Variants in ANKRD26 observed in about 807,000 individuals in gnomAD.
The protein encoded by ANKRD26 is ankyrin repeat domain-containing protein 26.
In ANKRD26, 141 loss-of-function variants were observed where a neutral mutation model predicts 208.7. The observed-to-expected ratio is 0.68, with a 90% CI of 0.59 to 0.78. The LOEUF (loss-of-function observed/expected upper bound fraction) is 0.78. Ranked by LOEUF, ANKRD26 falls within the 30% of genes least tolerant of loss-of-function variation. The pLI is 0.00. For missense variants in ANKRD26, 1,889 were observed against 1,938.7 expected (o/e 0.97, Z 0.48); for synonymous variants, 636 against 660.4 (o/e 0.96, Z 0.57).
the ANKRD26 span, among the ~76,000 whole-genome samples, chr10:26,948,961 C>CTCCA: frequency 5.3e-5 from 8 of 152,084 alleles, no homozygotes; most frequent in Admixed American, 2.6e-4. Context: ...CACCATTGCA[C>CTCCA]TCCAGCCTGG....
chr10:27,085,524 C>T (rs866961057), intron 5 of ANKRD26, among the ~76,000 whole-genome samples: 82 of 152,290 alleles, frequency 5.4e-4, no homozygotes, highest in African/African-American at 1.9e-3. Flanking sequence ...TGCTTCTCAA[C>T]AAGGAATTGT....
intron 1 of ANKRD26, among the ~76,000 whole-genome samples, chr10:27,099,565 G>GGC (rs980495090): frequency 1.4e-5 from 2 of 143,330 alleles, no homozygotes; most frequent in African/African-American, 5.1e-5. Flanking sequence ...TTAGAGTTGG[G>GGC]GGGGGGGGTC....
intron 17 of ANKRD26, among the ~76,000 whole-genome samples, chr10:27,048,298 G>A (rs2054529790): frequency 6.6e-6 from 1 of 152,054 alleles, no homozygotes; most frequent in South Asian, 2.1e-4. Context: ...TATGTAATGT[G>A]TTTATATAAA....
At chr10:27,027,995 G>C (rs1264337199) in intron 27 of ANKRD26, among the ~76,000 whole-genome samples, 1 of 152,156 alleles carries the variant, frequency 6.6e-6, no homozygotes, top group African/African-American at 2.4e-5. Flanking sequence ...AGATGATTTT[G>C]TCCAACTGTA....
chr10:27,082,365 G>A (rs930483421), intron 6 of ANKRD26, among the ~76,000 whole-genome samples: 2 of 152,192 alleles, frequency 1.3e-5, no homozygotes, highest in African/African-American at 2.4e-5. Flanking sequence ...TAAAGTCAAA[G>A]TACTAATTAC....
intron 10 of ANKRD26, 90 bp from the exon 11 acceptor site, chr10:27,066,638 C>G: frequency 1.3e-6 from 1 of 770,152 alleles, no homozygotes; most frequent in Non-Finnish European, 2.0e-6. Context: ...AAGTCTATCT[C>G]CATTCATGAA....
chr10:27,023,447 C>CAA (rs991691208), intron 28 of ANKRD26, among the ~76,000 whole-genome samples: 7 of 121,260 alleles, frequency 5.8e-5, no homozygotes, highest in Admixed American at 5.6e-4. Flanking sequence ...AAGAAAAGTA[C>CAA]AAAAAAAAAA....
At position 27,086,630 on chromosome 10, in the gene ANKRD26, C is replaced by T. The variant is rs66853312; in HGVS notation, c.639-21G>A. The T allele has an allele frequency of 0.13, 199,721 of 1,589,028 alleles. 13,947 individuals carry two copies. The highest frequency in any genetic ancestry group is 0.28 in the East Asian group (12,290 of 44,242). On this transcript the variant is annotated intron_variant, in intron 4 of 33. Coordinates refer to ENST00000376087, the MANE Select transcript of ANKRD26 (RefSeq NM_014915.3). Reference sequence around the variant, plus strand: ...GACTGCTATGTATAGAAAAATGTAACAAAATTATGTTAATACTGATACAAA... The same window carrying T: ...GACTGCTATGTATAGAAAAATGTAATAAAATTATGTTAATACTGATACAAA...
At chr10:27,088,457 T>C (rs530026761) in intron 4 of ANKRD26, 2 of 152,358 alleles carry the variant, frequency 1.3e-5, no homozygotes, top group African/African-American at 2.4e-5. Context: ...TGGATACTGA[T>C]GAGTCATGGA....
At chr10:27,008,221 A>G (rs2052960969) in intron 32 of ANKRD26, among the ~76,000 whole-genome samples, 1 of 152,118 alleles carries the variant, frequency 6.6e-6, no homozygotes, top group South Asian at 2.1e-4. Flanking sequence ...TGATAATATG[A>G]TATCCAATGC....
chr10:27,086,091 G>A (rs2056105598), intron 5 of ANKRD26, among the ~76,000 whole-genome samples: 1 of 152,122 alleles, frequency 6.6e-6, no homozygotes, highest in Non-Finnish European at 1.5e-5. Context: ...CAGCTGCACA[G>A]GGATCACCAG....
intron 25 of ANKRD26, chr10:27,030,287 C>G (rs1246340323): frequency 1.3e-6 from 1 of 784,660 alleles, no homozygotes; most frequent in African/African-American, 1.9e-5. Flanking sequence ...TTCCACTAAG[C>G]CGACAGTACT....
At chr10:27,097,465 A>G (rs1263488701) in intron 1 of ANKRD26, among the ~76,000 whole-genome samples, 2 of 152,174 alleles carry the variant, frequency 1.3e-5, no homozygotes, top group African/African-American at 4.8e-5. Context: ...CTGTCTAAGA[A>G]AAAAAGAAAA....
chr10:26,953,941 C>T, the ANKRD26 span, among the ~76,000 whole-genome samples: 3 of 152,154 alleles, frequency 2.0e-5, no homozygotes, highest in Non-Finnish European at 4.4e-5. Context: ...TCCTGCCCTA[C>T]CAATGTGAGA....
At chr10:26,989,073 T>G (rs572912581), downstream of ANKRD26, among the ~76,000 whole-genome samples, 2 of 152,188 alleles carry the variant, frequency 1.3e-5, no homozygotes, top group Non-Finnish European at 2.9e-5. Context: ...TCTGAGAGGG[T>G]ATTAATATCG....
chr10:27,071,159 A>ATTTTT lies in ANKRD26; in HGVS notation c.1078-3878_1078-3874dup, dbSNP rs71386906. 9.2e-4 allele frequency among the ~76,000 whole-genome samples: 79 copies of ATTTTT among 85,858 alleles called. 1 individual carries two copies. The highest frequency in any genetic ancestry group is 2.2e-3 in the African/African-American group (44 of 19,632). The allele number at this position is 85,858 out of a possible 152,430, so 56.3% of individuals were successfully genotyped here. ...GCAGAAATAAACAATTGCTACATTC[A>ATTTTT]TTTTTTTTTTTTTTTTTTTTTTTTG... On this transcript the variant is annotated intron_variant, in intron 9 of 33. Transcript: ENST00000376087.
In ANKRD26 at chr10:27,084,229, A is replaced by AAAAAAAG. The variant is rs757210560; in HGVS notation, c.710-1403_710-1397dup. 2.7e-3 allele frequency among the ~76,000 whole-genome samples: 383 copies of AAAAAAAG among 141,966 alleles called. 2 individuals carry two copies. The highest frequency in any genetic ancestry group is 0.011 in the East Asian group (43 of 3,810). 93.1% of individuals were successfully genotyped at this position (141,966 alleles called of 152,430 possible). A position where few individuals can be genotyped will look rare whatever the true frequency, so the allele number is the denominator to read the frequency against. On this transcript the variant is annotated intron_variant, in intron 5 of 33. Coordinates refer to ENST00000376087, the MANE Select transcript of ANKRD26 (RefSeq NM_014915.3). ...GCAAAACTACATCTCAAAAAAAAAAAAAAAAAGAAAAAAGAAATAAAATGT... is the reference window on the plus strand; with the variant it reads ...GCAAAACTACATCTCAAAAAAAAAAAAAAAAAGAAAAAAGAAAAAAGAAATAAAATGT...
chr10:26,982,201 A>G (rs1021809116), intron 4 of ANKRD26, among the ~76,000 whole-genome samples: 2 of 152,196 alleles, frequency 1.3e-5, no homozygotes, highest in African/African-American at 4.8e-5. Context: ...GCCAGAGTGA[A>G]TTCAAGAGAA....
At position 27,024,493 on chromosome 10, in the gene ANKRD26, C is replaced by T; in HGVS notation, c.4039G>A (p.Asp1347Asn). 2 of 1,583,402 alleles carry T rather than the reference C, an allele frequency of 1.3e-6. No individual in the cohort carries two copies. Among genetic ancestry groups the T allele is most frequent in the South Asian group, 2.3e-5 (2 of 88,242 alleles). ...TCAACATTTTTCTTCATTTCTTGAT[C>T]CAAATTACATTCCAGTGACTGTTTT... ...ELKQSLECNL[D>N]QEMKKNVELE... The change falls in exon 28 of 34, where the codon GAT becomes AAT. Residue 1347 changes from aspartate (D) to asparagine (N), a missense_variant. Physicochemically the swap from Asp to Asn is conservative, Grantham distance 23. Coordinates refer to ENST00000376087, the MANE Select transcript of ANKRD26 (RefSeq NM_014915.3).
Sources: gnomAD v4.1 joint callset for allele counts (sites outside exome capture counted in the v4.1 genomes callset) on GRCh38, gnomAD v4.1.1 for gene constraint, MANE v1.5 for transcripts, NCBI Gene and HGNC (gene_info 2026-07-23, HGNC 2026-07-21) for gene names.